Variants in NFILZ observed in about 807,000 individuals in gnomAD.
The protein encoded by NFILZ is NFIL3 like basic leucine zipper.
intron 3 of NFILZ, among the ~76,000 whole-genome samples, chr19:8,648,159 G>A (rs1289643403): frequency 3.2e-5 from 4 of 124,150 alleles, no homozygotes; most frequent in Non-Finnish European, 6.4e-5. Flanking sequence ...GGGCATGAGC[G>A]AGACTCCGTC....
intron 3 of NFILZ, among the ~76,000 whole-genome samples, chr19:8,647,793 G>GCACA (rs1329041998): frequency 0.028 from 1,914 of 69,526 alleles, 30 homozygotes; most frequent in South Asian, 0.033. Flanking sequence ...GCGCGCGCGC[G>GCACA]CGCACACACA....
intron 3 of NFILZ, among the ~76,000 whole-genome samples, chr19:8,669,855 C>A (rs2043078953): frequency 6.6e-6 from 1 of 152,156 alleles, no homozygotes; most frequent in East Asian, 1.9e-4. Context: ...ATGTACCTGG[C>A]ATACAGTAGG....
At chr19:8,646,723 G>A (rs1308771774) in intron 3 of NFILZ, among the ~76,000 whole-genome samples, 1 of 152,070 alleles carries the variant, frequency 6.6e-6, no homozygotes, top group African/African-American at 2.4e-5. Flanking sequence ...AGCCCTCACC[G>A]AGCTCCTCTT....
intron 3 of NFILZ, among the ~76,000 whole-genome samples, chr19:8,636,042 G>T (rs931282887): frequency 1.3e-4 from 19 of 151,886 alleles, no homozygotes; most frequent in Non-Finnish European, 1.9e-4. Context: ...TCACCGTATT[G>T]CCCAGGCTGG....
At chr19:8,639,746 G>T (rs1177806985) in intron 3 of NFILZ, among the ~76,000 whole-genome samples, 1 of 152,156 alleles carries the variant, frequency 6.6e-6, no homozygotes, top group Non-Finnish European at 1.5e-5. Context: ...TATGTGTAAA[G>T]TGATAGGCCA....
rs1207071930 is a variant in NFILZ at position 8,652,969 on chromosome 19, CTCCTTCCT to C, written c.-164+17261_-164+17268del. ...CTCTCTCTTTCTTTCCCTTCCTTCCCTCCTTCCTTCCTTCCTTCCTTCCTTCCTTCCTT... is the reference window on the plus strand; with the variant it reads ...CTCTCTCTTTCTTTCCCTTCCTTCCCTCCTTCCTTCCTTCCTTCCTTCCTT... On this transcript the variant is annotated intron_variant, in intron 3 of 5. Transcript: ENST00000691075. 2.5e-3 allele frequency among the ~76,000 whole-genome samples: 282 copies of C among 113,966 alleles called. 10 individuals are homozygous for C. The highest frequency in any genetic ancestry group is 7.9e-3 in the African/African-American group (216 of 27,258). 74.8% of individuals were successfully genotyped at this position (113,966 alleles called of 152,430 possible).
chr19:8,655,849 C>T (rs1245324373), intron 3 of NFILZ, among the ~76,000 whole-genome samples: 2 of 152,170 alleles, frequency 1.3e-5, no homozygotes, highest in Non-Finnish European at 2.9e-5. Flanking sequence ...CTCTTTCTCT[C>T]TCTGTGTCTC....
Position 8,680,051 on chromosome 19 carries a change from C to T in NFILZ, c.*2416C>T, listed in dbSNP as rs148224736. On this transcript the variant is annotated 3_prime_UTR_variant, in exon 6 of 6. Coordinates refer to ENST00000691075, the MANE Select transcript of NFILZ (RefSeq NM_001378600.1). ...TCTCTAGTAAAAATACAAAAATTAG[C>T]CGGGCATGGTAGCGAGCGCCTGTAA... 6.6e-6 allele frequency among the ~76,000 whole-genome samples: 1 copy of T among 151,966 alleles called. No homozygotes were observed. The highest frequency in any genetic ancestry group is 2.4e-5 in the African/African-American group (1 of 41,444).
chr19:8,643,867 T>G (rs528114557), intron 3 of NFILZ, among the ~76,000 whole-genome samples: 5 of 152,320 alleles, frequency 3.3e-5, no homozygotes, highest in African/African-American at 9.6e-5. Flanking sequence ...TTTCTGTTGC[T>G]GTCGCTCTCT....
chr19:8,661,155 TTCTC>T (rs1196173555), intron 3 of NFILZ, among the ~76,000 whole-genome samples: 16 of 141,006 alleles, frequency 1.1e-4, no homozygotes, highest in African/African-American at 4.0e-4. Context: ...CCCTTCCCTT[TTCTC>T]TCTCTCTCTC....
rs544584499 is a variant in NFILZ at position 8,635,259 on chromosome 19, G to A, written c.-260-391G>A. On this transcript the variant is annotated intron_variant, in intron 2 of 5. Coordinates refer to ENST00000691075, the MANE Select transcript of NFILZ (RefSeq NM_001378600.1). ...TGGGAGGCGGAGGTTGCAGTGAGCCGAGATCATACCACTGCACCTCAGCCT... is the reference window on the plus strand; with the variant it reads ...TGGGAGGCGGAGGTTGCAGTGAGCCAAGATCATACCACTGCACCTCAGCCT... Among the ~76,000 whole-genome samples the A allele has an allele frequency of 2.5e-3, 363 of 147,466 alleles. 4 individuals are homozygous for A. The highest frequency in any genetic ancestry group is 8.0e-3 in the African/African-American group (320 of 39,860).
chr19:8,633,652 G>A (rs1200582179), intron 2 of NFILZ, among the ~76,000 whole-genome samples: 1 of 152,072 alleles, frequency 6.6e-6, no homozygotes, highest in African/African-American at 2.4e-5. Context: ...GCCGCCCTGA[G>A]GATGGTTTCC....
At chr19:8,657,117 G>A (rs973428485) in intron 3 of NFILZ, among the ~76,000 whole-genome samples, 5 of 152,014 alleles carry the variant, frequency 3.3e-5, no homozygotes, top group African/African-American at 9.6e-5. Context: ...TTTTCGCTCC[G>A]GTGGGAGGTC....
chr19:8,633,109 C>T (rs1304187416), intron 2 of NFILZ, among the ~76,000 whole-genome samples: 2 of 148,730 alleles, frequency 1.3e-5, no homozygotes, highest in Non-Finnish European at 3.0e-5. Flanking sequence ...CACCCTCTGC[C>T]TCCTGGGTTC....
intron 3 of NFILZ, among the ~76,000 whole-genome samples, chr19:8,658,477 T>C (rs1274380702): frequency 6.6e-6 from 1 of 151,916 alleles, no homozygotes; most frequent in Non-Finnish European, 1.5e-5. Flanking sequence ...CAAAAAACAT[T>C]GACAACTTTC....
chr19:8,639,873 T>A (rs994739382), intron 3 of NFILZ, among the ~76,000 whole-genome samples: 5 of 152,212 alleles, frequency 3.3e-5, no homozygotes, highest in Non-Finnish European at 4.4e-5. Flanking sequence ...AGTGAGTTTG[T>A]TGTTGTGAAA....
intron 3 of NFILZ, among the ~76,000 whole-genome samples, chr19:8,653,039 T>C (rs1254553334): frequency 6.5e-4 from 50 of 77,440 alleles, no homozygotes; most frequent in Admixed American, 1.6e-3. Flanking sequence ...TTTCTTTCTT[T>C]CTCTCTCTCT....
rs2042891253 is a variant in NFILZ at position 8,635,671 on chromosome 19, T to G, written c.-239T>G. ...ACAGACACGTGAGTTGTTTCCAGTT[T>G]TGGTGACGAATGCCCAAATTCATAG... is the stretch of plus-strand genomic sequence containing the variant. On this transcript the variant is annotated 5_prime_UTR_variant, in exon 3 of 6. Coordinates refer to ENST00000691075, the MANE Select transcript of NFILZ (RefSeq NM_001378600.1). 6.6e-6 allele frequency: 1 copy of G among 152,154 alleles called. No homozygotes were observed. Among genetic ancestry groups the G allele is most frequent in the African/African-American group, 2.4e-5 (1 of 41,426 alleles). The allele number at this position is 152,154 out of a possible 1,614,324, so 9.4% of individuals were successfully genotyped here.
intron 3 of NFILZ, among the ~76,000 whole-genome samples, chr19:8,656,268 C>T (rs1600147208): frequency 1.2e-5 from 1 of 84,700 alleles, no homozygotes; most frequent in African/African-American, 3.5e-5. Context: ...CATCTTCTCT[C>T]TGAAGCCCAC....
Sources: allele counts gnomAD v4.1 joint callset (sites outside exome capture counted in the v4.1 genomes callset), GRCh38; gene constraint gnomAD v4.1.1; transcripts MANE v1.5; gene names NCBI Gene and HGNC (gene_info 2026-07-23, HGNC 2026-07-21).